GNS: variants seen among roughly 807,000 people sequenced by gnomAD.
The protein encoded by GNS is glucosamine (N-acetyl)-6-sulfatase, also known as N-acetylglucosamine-6-sulfatase.
GNS carries 40 observed loss-of-function variants against 69.7 expected under a neutral mutation model. That is an observed-to-expected ratio of 0.57 (90% confidence interval 0.45 to 0.75). The LOEUF (loss-of-function observed/expected upper bound fraction) is 0.75, where lower values mean the gene tolerates loss of function less well. Ranked by LOEUF, GNS falls within the 30% of genes least tolerant of loss-of-function variation. GNS has a pLI of 0.00. For missense variants in GNS, 565 were observed against 685.5 expected (o/e 0.82, Z 1.96); for synonymous variants, 243 against 251.6 (o/e 0.97, Z 0.32).
chr12:64,744,655 T>G (rs1029810094), intron 5 of GNS, among the ~76,000 whole-genome samples, 154 bp downstream of exon 5: 100 of 152,180 alleles, frequency 6.6e-4, no homozygotes, highest in African/African-American at 2.4e-3. Context: ...GAGTTTGTAA[T>G]CAGCTGGAAA....
chr12:64,737,332 T>C (rs913673675), intron 8 of GNS, among the ~76,000 whole-genome samples: 2 of 152,184 alleles, frequency 1.3e-5, no homozygotes, highest in Non-Finnish European at 2.9e-5. Context: ...CCCTGGCTTA[T>C]GATAGAACAA....
chr12:64,729,253 G>A (rs957154584), intron 9 of GNS, 196 bp from the exon 10 acceptor site: 2 of 596,062 alleles, frequency 3.4e-6, no homozygotes, highest in African/African-American at 1.9e-5. Flanking sequence ...AGGCTTATAA[G>A]GCTTGTATAA....
At position 64,759,081 on chromosome 12, in the gene GNS, T is replaced by G; in HGVS notation, c.192+4A>C. The G allele has an allele frequency of 1.3e-6, 2 of 1,556,190 alleles. No individual in the cohort carries two copies. The highest frequency in any genetic ancestry group is 1.7e-6 in the Non-Finnish European group (2 of 1,149,720). On this transcript the variant is annotated splice_donor_region_variant and intron_variant, in intron 1 of 13. Coordinates refer to ENST00000258145, the MANE Select transcript of GNS (RefSeq NM_002076.4). ...GAGGGGCGGGGCAGAAACAGAAGAGTTACCATGCCGCCGAGCACTTCGTCC... is the reference window on the plus strand; with the variant it reads ...GAGGGGCGGGGCAGAAACAGAAGAGGTACCATGCCGCCGAGCACTTCGTCC...
intron 9 of GNS, among the ~76,000 whole-genome samples, chr12:64,733,594 C>A (rs961290178): frequency 2.6e-5 from 4 of 152,222 alleles, no homozygotes; most frequent in African/African-American, 9.6e-5. Flanking sequence ...ATCTTGGTTG[C>A]TTCAGCTGGA....
chr12:64,729,082 C>G (rs1487726164), intron 9 of GNS, 25 bp from the exon 10 acceptor site: 1 of 1,173,014 alleles, frequency 8.5e-7, no homozygotes, highest in Non-Finnish European at 1.3e-6. Flanking sequence ...GAAAAACAAT[C>G]TAGAACACAG....
At chr12:64,749,935 G>A (rs559939845) in intron 2 of GNS, among the ~76,000 whole-genome samples, 2 of 149,610 alleles carry the variant, frequency 1.3e-5, no homozygotes, top group African/African-American at 4.9e-5. Flanking sequence ...GAGTACAGTG[G>A]TGCGATCTCA....
At chr12:64,741,466 A>G (rs949226149) in intron 6 of GNS, among the ~76,000 whole-genome samples, 5 of 151,792 alleles carry the variant, frequency 3.3e-5, no homozygotes, top group African/African-American at 1.2e-4. Context: ...TTGTATTTTC[A>G]GTAGAGATGG....
At chr12:64,748,533 G>A (rs1218060983) in intron 2 of GNS, among the ~76,000 whole-genome samples, 1 of 152,000 alleles carries the variant, frequency 6.6e-6, no homozygotes. Context: ...TACACAGGGG[G>A]CACAGCATGG....
chr12:64,722,809 T>G, intron 11 of GNS, 197 bp downstream of exon 11: 2 of 589,858 alleles, frequency 3.4e-6, no homozygotes, highest in Non-Finnish European at 6.2e-6. Flanking sequence ...AGATTAACAG[T>G]GCACATTCTG....
intron 13 of GNS, 34 bp from the exon 14 acceptor site, chr12:64,716,853 T>A: frequency 8.0e-7 from 1 of 1,252,096 alleles, no homozygotes; most frequent in Non-Finnish European, 1.2e-6. Flanking sequence ...ACATTAGCTC[T>A]CACTAGCTTC....
Position 64,759,015 on chromosome 12 carries a change from G to C in GNS, c.192+70C>G, listed in dbSNP as rs1870375205. The C allele has an allele frequency of 3.1e-6, 4 of 1,302,730 alleles. No individual in the cohort carries two copies. The South Asian group carries it at 5.1e-5, about 16-fold the overall frequency. The allele number at this position is 1,302,730 out of a possible 1,614,324, so 80.7% of individuals were successfully genotyped here. A position where few individuals can be genotyped will look rare whatever the true frequency, so the allele number is the denominator to read the frequency against. ...TTCGGGGAGGAGGGTGGTGGGGACC[G>C]GGAAAGAGAGCAACAAACCGGGTAG... On this transcript the variant is annotated intron_variant, in intron 1 of 13. Transcript: ENST00000258145.
intron 6 of GNS, among the ~76,000 whole-genome samples, chr12:64,741,781 C>T (rs753851947): frequency 5.3e-5 from 8 of 152,182 alleles, no homozygotes; most frequent in Non-Finnish European, 8.8e-5. Context: ...CTATGCTCCT[C>T]AAAGTGTTAT....
intron 5 of GNS, among the ~76,000 whole-genome samples, chr12:64,744,560 T>C (rs1869841953): frequency 1.3e-5 from 2 of 152,150 alleles, no homozygotes; most frequent in Non-Finnish European, 2.9e-5. Context: ...GTCGAAGAGA[T>C]TAACCTTTGG....
intron 2 of GNS, among the ~76,000 whole-genome samples, chr12:64,752,139 G>A (rs1340348280): frequency 7.2e-5 from 11 of 152,078 alleles, no homozygotes; most frequent in Non-Finnish European, 1.3e-4. Context: ...CTAGAAAAGA[G>A]GCAGAGAGGG....
chr12:64,730,129 AG>A (rs1869335256), intron 9 of GNS, among the ~76,000 whole-genome samples: 1 of 152,196 alleles, frequency 6.6e-6, no homozygotes, highest in African/African-American at 2.4e-5. Flanking sequence ...AGAGGAAGTG[AG>A]AAAAACTGGG....
chr12:64,740,107 T>G (rs1330903819), intron 7 of GNS, among the ~76,000 whole-genome samples: 1 of 152,228 alleles, frequency 6.6e-6, no homozygotes, highest in Non-Finnish European at 1.5e-5. Flanking sequence ...TGCAAGCCTA[T>G]TAATATTTAC....
chr12:64,752,979 G>T, intron 1 of GNS: 1 of 580,282 alleles, frequency 1.7e-6, no homozygotes, highest in Admixed American at 3.1e-5. Context: ...TGCAGGAAGG[G>T]AAAGTTCAGT....
intron 9 of GNS, among the ~76,000 whole-genome samples, chr12:64,733,439 G>A (rs10878207): frequency 6.6e-6 from 1 of 151,492 alleles, no homozygotes; most frequent in Non-Finnish European, 1.5e-5. Flanking sequence ...CGGGCTCTCA[G>A]AACACATCAG....
rs777877509 is a variant in GNS, at chr12:64,743,192, A to C, written c.741T>G (p.Ala247=). ...TTCTTGGTGCAAAGACATTCTGGAA[A>C]GCCTTCTGGTACTGAGGTGCAGCTG... ...PWTAAPQYQK[A]FQNVFAPRNK... The change falls in exon 6 of 14, where the codon GCT becomes GCG. Residue 247 remains alanine, a synonymous_variant. Coordinates refer to ENST00000258145, the MANE Select transcript of GNS (RefSeq NM_002076.4). 6.2e-7 allele frequency: 1 copy of C among 1,613,548 alleles called. No homozygotes were observed. The highest frequency in any genetic ancestry group is 1.3e-5 in the African/African-American group (1 of 74,918).
Sources: allele counts gnomAD v4.1 joint callset (sites outside exome capture counted in the v4.1 genomes callset), GRCh38; gene constraint gnomAD v4.1.1; transcripts MANE v1.5; gene names NCBI Gene and HGNC (gene_info 2026-07-23, HGNC 2026-07-21).